LRRN2: variants seen among roughly 807,000 people sequenced by gnomAD.
The protein encoded by LRRN2 is leucine rich repeat neuronal 2.
Under a neutral mutation model 35.7 loss-of-function variants are expected in LRRN2, and 10 were observed. The ratio of observed to expected loss-of-function variants is 0.28; its 90% CI spans 0.17 to 0.47. The LOEUF is 0.47. LRRN2 is among the 20% of genes least tolerant of loss of function. The pLI, the probability that LRRN2 is intolerant of heterozygous loss-of-function variation, is 0.99. For synonymous variants in LRRN2, 391 were observed against 409.6 expected (o/e 0.95, Z 0.55); for missense variants, 731 against 940.3 (o/e 0.78, Z 2.91).
rs1310786214 is a variant in LRRN2, at chr1:204,618,847, G to A, written c.1146C>T (p.Ala382=). The A allele has an allele frequency of 6.2e-7, 1 of 1,614,040 alleles. No individual in the cohort carries two copies. The highest frequency in any genetic ancestry group is 8.5e-7 in the Non-Finnish European group (1 of 1,180,038). The part of the protein sequence containing the change: ...RCDCVIRWAN[A]TGTRVRFIEP... ...CGATGAAGCGGACACGGGTGCCCGTGGCATTGGCCCAGCGGATGACACAGT... is the reference window on the plus strand; with the variant it reads ...CGATGAAGCGGACACGGGTGCCCGTAGCATTGGCCCAGCGGATGACACAGT... Residue 382 remains alanine (A), a synonymous_variant, in exon 2 of 2, where the codon GCC becomes GCT. Coordinates refer to ENST00000367177, the MANE Select transcript of LRRN2 (RefSeq NM_201630.2).
At chr1:204,660,851 G>C (rs1668457014) in intron 1 of LRRN2, among the ~76,000 whole-genome samples, 1 of 152,164 alleles carries the variant, frequency 6.6e-6, no homozygotes, top group Admixed American at 6.5e-5. Context: ...AATGTGCCTG[G>C]ACTCTCTGGC....
At chr1:204,669,939 C>T (rs183586924) in intron 1 of LRRN2, among the ~76,000 whole-genome samples, 184 of 152,102 alleles carry the variant, frequency 1.2e-3, no homozygotes, top group Admixed American at 2.3e-3. Flanking sequence ...GTCAGTCCAG[C>T]AGCAATTCAG....
chr1:204,644,273 T>C (rs952912538), intron 1 of LRRN2, among the ~76,000 whole-genome samples: 5 of 152,180 alleles, frequency 3.3e-5, no homozygotes, highest in Non-Finnish European at 7.3e-5. Context: ...CTTACAGTGC[T>C]CTTCCCTGAC....
At position 204,651,594 on chromosome 1, in the gene LRRN2, C is replaced by T. The variant is rs1372021274; in HGVS notation, c.-226-31376G>A. Among the ~76,000 whole-genome samples the T allele has an allele frequency of 2.6e-5, 4 of 152,062 alleles. No homozygotes were observed. In the East Asian group the frequency reaches 5.8e-4, roughly 22 times the overall value. On this transcript the variant is annotated intron_variant, in intron 1 of 1. Transcript: ENST00000367177. ...ATTTCCCAGTTTCAGCATTTAAGTC[C>T]TGCATCCCCCCAAAACCCCCCAGCC...
Position 204,618,853 on chromosome 1 carries a change from G to A in LRRN2, c.1140C>T (p.Ala380=). The A allele has an allele frequency of 6.2e-7, 1 of 1,614,156 alleles. No homozygotes were observed. The highest frequency in any genetic ancestry group is 8.5e-7 in the Non-Finnish European group (1 of 1,180,034). Residue 380 remains alanine (A), a synonymous_variant, in exon 2 of 2, where the codon GCC becomes GCT. Coordinates refer to ENST00000367177, the MANE Select transcript of LRRN2 (RefSeq NM_201630.2). ...AGCGGACACGGGTGCCCGTGGCATTGGCCCAGCGGATGACACAGTCACAGC... is the reference window on the plus strand; with the variant it reads ...AGCGGACACGGGTGCCCGTGGCATTAGCCCAGCGGATGACACAGTCACAGC... ...PIRCDCVIRW[A]NATGTRVRFI...
At chr1:204,622,686 G>A (rs1031733904) in intron 1 of LRRN2, among the ~76,000 whole-genome samples, 1 of 152,104 alleles carries the variant, frequency 6.6e-6, no homozygotes, top group Non-Finnish European at 1.5e-5. Context: ...CTGAGTCTCC[G>A]AGAGGTCCCT....
At chr1:204,625,384 C>A (rs747255653) in intron 1 of LRRN2, among the ~76,000 whole-genome samples, 1 of 152,116 alleles carries the variant, frequency 6.6e-6, no homozygotes, top group African/African-American at 2.4e-5. Context: ...AAAGTAATTG[C>A]GGTTTTGGCC....
intron 1 of LRRN2, among the ~76,000 whole-genome samples, chr1:204,641,782 T>C (rs1437597904): frequency 1.3e-5 from 2 of 152,230 alleles, no homozygotes; most frequent in Admixed American, 1.3e-4. Flanking sequence ...GGATGTTGCA[T>C]TTGAAAGTGT....
intron 1 of LRRN2, among the ~76,000 whole-genome samples, chr1:204,644,426 T>C (rs1377140880): frequency 6.6e-6 from 1 of 152,124 alleles, no homozygotes; most frequent in East Asian, 1.9e-4. Flanking sequence ...GACAGCCCCA[T>C]GCCTGCCCAC....
chr1:204,675,205 C>A (rs561436034), intron 1 of LRRN2, among the ~76,000 whole-genome samples: 2 of 152,230 alleles, frequency 1.3e-5, no homozygotes, highest in East Asian at 3.9e-4. Context: ...GCAATCCCTC[C>A]GGGGTGGCTG....
chr1:204,621,926 T>C (rs1157897896), intron 1 of LRRN2: 1 of 167,126 alleles, frequency 6.0e-6, no homozygotes, highest in African/African-American at 2.4e-5. Context: ...AGACTCTGAA[T>C]GTCTTTTTTC....
At chr1:204,645,723 C>T (rs941612087) in intron 1 of LRRN2, among the ~76,000 whole-genome samples, 5 of 152,100 alleles carry the variant, frequency 3.3e-5, no homozygotes, top group Non-Finnish European at 7.4e-5. Context: ...CCTCAGGAAA[C>T]TTACAATCAT....
At chr1:204,680,887 T>G (rs989014912) in intron 1 of LRRN2, among the ~76,000 whole-genome samples, 2 of 152,150 alleles carry the variant, frequency 1.3e-5, no homozygotes, top group African/African-American at 4.8e-5. Context: ...TGACTCTTTT[T>G]CAAGCCTTGG....
chr1:204,646,973 G>A (rs1668119419), intron 1 of LRRN2, among the ~76,000 whole-genome samples: 1 of 152,160 alleles, frequency 6.6e-6, no homozygotes, highest in Non-Finnish European at 1.5e-5. Flanking sequence ...AGAGCAACTG[G>A]ATTCCAAGCC....
chr1:204,647,255 A>G (rs1255022018), intron 1 of LRRN2, among the ~76,000 whole-genome samples: 1 of 152,212 alleles, frequency 6.6e-6, no homozygotes, highest in Non-Finnish European at 1.5e-5. Flanking sequence ...TAGAGATTTC[A>G]TGCCACATTG....
intron 1 of LRRN2, among the ~76,000 whole-genome samples, chr1:204,625,865 T>C (rs1667310579): frequency 6.6e-6 from 1 of 152,252 alleles, no homozygotes; most frequent in Non-Finnish European, 1.5e-5. Flanking sequence ...TTCTTCTCTC[T>C]CTTTCTAGAG....
intron 1 of LRRN2, among the ~76,000 whole-genome samples, chr1:204,649,208 C>A (rs1221226228): frequency 6.6e-6 from 1 of 152,206 alleles, no homozygotes; most frequent in Non-Finnish European, 1.5e-5. Context: ...AGCTGACTCC[C>A]TTACCTGCTG....
Position 204,626,169 on chromosome 1 carries a change from TCTC to T in LRRN2, c.-226-5954_-226-5952del, listed in dbSNP as rs1188768467. ...CATTCTGCTTGTCCTAAATGCAACATCTCCTCCCACTGCCTGGCTGTGCTGCAT... is the reference window on the plus strand; with the variant it reads ...CATTCTGCTTGTCCTAAATGCAACATCTCCCACTGCCTGGCTGTGCTGCAT... On this transcript the variant is annotated intron_variant, in intron 1 of 1. Coordinates refer to ENST00000367177, the MANE Select transcript of LRRN2 (RefSeq NM_201630.2). Among the ~76,000 whole-genome samples, 5 of 151,706 alleles carry T rather than the reference TCTC, an allele frequency of 3.3e-5. No individual in the cohort carries two copies. In the East Asian group the frequency reaches 5.8e-4, roughly 18 times the overall value.
At chr1:204,676,630 T>G (rs1435378461) in intron 1 of LRRN2, among the ~76,000 whole-genome samples, 2 of 152,180 alleles carry the variant, frequency 1.3e-5, no homozygotes, top group African/African-American at 4.8e-5. Context: ...TGCAAATTAC[T>G]CACCTCTCTT....
Sources: allele counts gnomAD v4.1 joint callset (sites outside exome capture counted in the v4.1 genomes callset), GRCh38; gene constraint gnomAD v4.1.1; transcripts MANE v1.5; gene names NCBI Gene and HGNC (gene_info 2026-07-23, HGNC 2026-07-21).